Variants in GREB1L observed in about 807,000 individuals in gnomAD.
The protein encoded by GREB1L is GREB1-like protein.
In GREB1L, 17 loss-of-function variants were observed where a neutral mutation model predicts 200.8. The ratio of observed to expected loss-of-function variants is 0.08; its 90% CI spans 0.06 to 0.13. The LOEUF is 0.13. GREB1L is among the 10% of genes least tolerant of loss of function. The pLI is 1.00. For missense variants in GREB1L, 1,657 were observed against 2,367.7 expected, an observed-to-expected ratio of 0.70 and a Z score of 6.23; for synonymous variants, 789 against 893.0, an observed-to-expected ratio of 0.88 and a Z score of 2.08.
chr18:21,516,503 T>C (rs2037422305), intron 29 of GREB1L, 110 bp from the exon 30 acceptor site: 12 of 1,075,872 alleles, frequency 1.1e-5, no homozygotes, highest in Non-Finnish European at 1.3e-5. Context: ...AAAAGCATGG[T>C]TGATTATTTT....
intron 22 of GREB1L, 68 bp from the exon 23 acceptor site, chr18:21,500,470 ATC>A: frequency 8.5e-7 from 1 of 1,180,900 alleles, no homozygotes; most frequent in Non-Finnish European, 1.2e-6. Flanking sequence ...AAGGTGTGAA[ATC>A]TCTTTTCTCT....
intron 19 of GREB1L, among the ~76,000 whole-genome samples, chr18:21,491,017 C>T (rs755154075): frequency 1.4e-4 from 21 of 152,292 alleles, no homozygotes; most frequent in Non-Finnish European, 1.6e-4. Flanking sequence ...TCTCCCCTTC[C>T]TCTCCTGTCA....
At chr18:21,266,016 T>C (rs747448167) in intron 1 of GREB1L, among the ~76,000 whole-genome samples, 1 of 152,170 alleles carries the variant, frequency 6.6e-6, no homozygotes, top group Non-Finnish European at 1.5e-5. Context: ...GTATTAAAAA[T>C]GTATCAGGAG....
chr18:21,506,459 G>C (rs948447098), intron 25 of GREB1L, among the ~76,000 whole-genome samples: 3 of 152,068 alleles, frequency 2.0e-5, no homozygotes, highest in African/African-American at 7.2e-5. Flanking sequence ...TTTGGATTAT[G>C]GGAGGGAGAG....
intron 1 of GREB1L, among the ~76,000 whole-genome samples, chr18:21,351,994 C>T (rs1361804041): frequency 1.3e-5 from 2 of 151,852 alleles, no homozygotes; most frequent in South Asian, 2.1e-4. Flanking sequence ...ATTACAGGCA[C>T]GCGCCACCAC....
intron 23 of GREB1L, among the ~76,000 whole-genome samples, chr18:21,503,246 G>A (rs150050511): frequency 9.2e-5 from 14 of 151,650 alleles, no homozygotes; most frequent in Middle Eastern, 3.4e-3. Flanking sequence ...AGTTTCTGTC[G>A]TCCAGGCTGG....
chr18:21,259,985 G>A (rs1266941430), intron 1 of GREB1L, among the ~76,000 whole-genome samples: 2 of 151,540 alleles, frequency 1.3e-5, no homozygotes, highest in African/African-American at 4.8e-5. Context: ...TCTTTATATA[G>A]AAATTTAAGG....
At chr18:21,245,813 G>T (rs2037588861) in intron 1 of GREB1L, among the ~76,000 whole-genome samples, 1 of 152,142 alleles carries the variant, frequency 6.6e-6, no homozygotes, top group Admixed American at 6.6e-5. Context: ...CGCCTTCCGG[G>T]TTCACGCCAT....
intron 1 of GREB1L, among the ~76,000 whole-genome samples, chr18:21,319,488 G>A (rs920769007): frequency 1.3e-5 from 2 of 152,202 alleles, no homozygotes; most frequent in African/African-American, 4.8e-5. Context: ...ATAAACAAAA[G>A]TTAGAATGTT....
chr18:21,520,055 G>A (rs1598965395), intron 31 of GREB1L, among the ~76,000 whole-genome samples: 1 of 151,848 alleles, frequency 6.6e-6, no homozygotes, highest in Non-Finnish European at 1.5e-5. Context: ...TCCTGCCTCC[G>A]TCTCCTGAGT....
At chr18:21,466,984 TGCC>T (rs1318362988) in intron 15 of GREB1L, among the ~76,000 whole-genome samples, 5 of 152,090 alleles carry the variant, frequency 3.3e-5, no homozygotes, top group Non-Finnish European at 5.9e-5. Context: ...TTGACAAGGG[TGCC>T]AAGACAGTTT....
intron 1 of GREB1L, among the ~76,000 whole-genome samples, chr18:21,329,928 A>C (rs2039081578): frequency 7.2e-6 from 1 of 138,388 alleles, no homozygotes; most frequent in African/African-American, 2.6e-5. Context: ...CCTACATTCC[A>C]ATTTCTTGGC....
intron 7 of GREB1L, among the ~76,000 whole-genome samples, chr18:21,409,002 C>G (rs2030633165): frequency 6.6e-6 from 1 of 152,048 alleles, no homozygotes; most frequent in African/African-American, 2.4e-5. Flanking sequence ...TACCATGCAA[C>G]CCAGCAATTC....
intron 17 of GREB1L, among the ~76,000 whole-genome samples, chr18:21,484,258 C>T (rs1445441149): frequency 4.0e-5 from 6 of 151,196 alleles, no homozygotes; most frequent in African/African-American, 1.2e-4. Flanking sequence ...TCACTGCAAC[C>T]TCCACCTCCG....
chr18:21,412,625 G>A (rs2031185870), intron 7 of GREB1L, among the ~76,000 whole-genome samples: 1 of 152,152 alleles, frequency 6.6e-6, no homozygotes, highest in Non-Finnish European at 1.5e-5. Flanking sequence ...ACAAAACACA[G>A]TGATCACCTC....
intron 1 of GREB1L, among the ~76,000 whole-genome samples, chr18:21,310,067 A>T (rs1269202263): frequency 2.6e-5 from 4 of 152,212 alleles, no homozygotes; most frequent in African/African-American, 9.6e-5. Context: ...AGCACTGGAA[A>T]TGTGGCTAGG....
At chr18:21,459,279 C>CTTTTTTTTTTTTTTTTTTTTT (rs746568414) in intron 15 of GREB1L, among the ~76,000 whole-genome samples, 2 of 85,918 alleles carry the variant, frequency 2.3e-5, no homozygotes, top group African/African-American at 5.1e-5. Context: ...TTTTTCTTTA[C>CTTTTTTTTTTTTTTTTTTTTT]TTTTTTTTTT....
chr18:21,376,804 G>A (rs1417865076), intron 2 of GREB1L, among the ~76,000 whole-genome samples: 6 of 119,780 alleles, frequency 5.0e-5, no homozygotes, highest in African/African-American at 1.7e-4. Context: ...GACTCTGAGA[G>A]TCCGTCTCAA....
chr18:21,269,761 A>T (rs183303736), intron 1 of GREB1L, among the ~76,000 whole-genome samples: 232 of 152,354 alleles, frequency 1.5e-3, no homozygotes, highest in African/African-American at 5.3e-3. Context: ...GTAAAAACTC[A>T]GTTGTATATA....
Sources: allele counts gnomAD v4.1 joint callset (sites outside exome capture counted in the v4.1 genomes callset), GRCh38; gene constraint gnomAD v4.1.1; transcripts MANE v1.5; gene names NCBI Gene and HGNC (gene_info 2026-07-23, HGNC 2026-07-21).